MYOM2: variants seen among roughly 807,000 people sequenced by gnomAD.
The protein encoded by MYOM2 is myomesin 2, also known as myomesin-2.
A neutral mutation model predicts 187.6 loss-of-function variants in MYOM2; 254 were observed. The observed-to-expected ratio is 1.35, with a 90% confidence interval of 1.22 to 1.50. The LOEUF (loss-of-function observed/expected upper bound fraction) is 1.50, where lower values mean the gene tolerates loss of function less well. Among genes scored for constraint, MYOM2 ranks in the 40% most tolerant of loss-of-function variants. MYOM2 has a pLI of 0.00. For missense variants in MYOM2, 2,796 were observed against 1,924.0 expected (o/e 1.45, Z -8.48); for synonymous variants, 981 against 753.8 (o/e 1.30, Z -4.94).
At chr8:2,086,937 C>CT (rs11381618) in intron 14 of MYOM2, among the ~76,000 whole-genome samples, 28,727 of 149,322 alleles carry the variant, frequency 0.19, 2,843 homozygotes, top group Middle Eastern at 0.26. Flanking sequence ...CAATAGAAAG[C>CT]TTTTTTTTTT....
Position 2,109,206 on chromosome 8 carries a change from A to G in MYOM2, c.3044-189A>G. ...GCTAACTGAGAACTCATGTGGCATGAGGCTTTAGAGGCAACAACAGGCCAG... is the reference window on the plus strand; with the variant it reads ...GCTAACTGAGAACTCATGTGGCATGGGGCTTTAGAGGCAACAACAGGCCAG... On this transcript the variant is annotated intron_variant, in intron 24 of 36. Coordinates refer to ENST00000262113, the MANE Select transcript of MYOM2 (RefSeq NM_003970.4). 3 of 620,242 alleles carry G rather than the reference A, an allele frequency of 4.8e-6. No individual in the cohort carries two copies. The South Asian group carries it at 7.7e-5, about 16-fold the overall frequency. The allele number at this position is 620,242 out of a possible 1,614,324, so 38.4% of individuals were successfully genotyped here.
chr8:2,076,368 C>CTT, intron 11 of MYOM2, 86 bp downstream of exon 11: 1 of 1,481,944 alleles, frequency 6.7e-7, no homozygotes, highest in Non-Finnish European at 9.1e-7. Flanking sequence ...TTTCTCAATG[C>CTT]AGGTTGACGT....
At chr8:2,107,652 C>T (rs986751143) in intron 23 of MYOM2, among the ~76,000 whole-genome samples, 3 of 152,144 alleles carry the variant, frequency 2.0e-5, no homozygotes, top group East Asian at 1.9e-4. Context: ...CACAGGCAGA[C>T]AAATGAGGAG....
intron 12 of MYOM2, 90 bp downstream of exon 12, chr8:2,079,023 T>A (rs1819531716): frequency 7.7e-7 from 1 of 1,293,334 alleles, no homozygotes; most frequent in Non-Finnish European, 1.1e-6. Context: ...CCCAACTCGA[T>A]GTGAGCCCTG....
At chr8:2,127,725 CAGGCAGGCAG>C (rs1797703916) in intron 31 of MYOM2, 1 of 12,672 alleles carries the variant, frequency 7.9e-5, no homozygotes, top group Non-Finnish European at 1.8e-4. Flanking sequence ...GACGCAGCCG[CAGGCAGGCAG>C]TACCTCGGCG....
intron 28 of MYOM2, among the ~76,000 whole-genome samples, chr8:2,122,458 T>A (rs1797489746): frequency 6.6e-6 from 1 of 152,240 alleles, no homozygotes; most frequent in East Asian, 1.9e-4. Flanking sequence ...AACGATGCCA[T>A]TTCCCATAGC....
intron 28 of MYOM2, among the ~76,000 whole-genome samples, chr8:2,121,895 G>A (rs1383064991): frequency 1.3e-5 from 2 of 152,212 alleles, no homozygotes; most frequent in Non-Finnish European, 2.9e-5. Flanking sequence ...CAGTTTAGGT[G>A]CCCATATTTT....
intron 18 of MYOM2, 82 bp from the exon 19 acceptor site, chr8:2,098,775 G>A (rs796770614): frequency 2.9e-6 from 4 of 1,386,070 alleles, no homozygotes; most frequent in Admixed American, 2.4e-5. Flanking sequence ...TATTTCACAA[G>A]CCAGTTATAA....
At chr8:2,136,545 G>A (rs1798077603) in intron 32 of MYOM2, among the ~76,000 whole-genome samples, 1 of 152,180 alleles carries the variant, frequency 6.6e-6, no homozygotes, top group African/African-American at 2.4e-5. Flanking sequence ...GAAGTAGAGG[G>A]TCACTTTTTA....
chr8:2,105,015 C>CTT (rs1159774900), intron 21 of MYOM2, among the ~76,000 whole-genome samples: 3 of 152,106 alleles, frequency 2.0e-5, no homozygotes, highest in African/African-American at 4.8e-5. Context: ...TGAGCTCAAG[C>CTT]GATCCTCTGG....
rs760533934 is a variant in MYOM2, at chr8:2,078,749, G to A, written c.1278G>A (p.Thr426=). The change falls in exon 12 of 37, where the codon ACG becomes ACA. Residue 426 remains threonine, a synonymous_variant. Coordinates refer to ENST00000262113, the MANE Select transcript of MYOM2 (RefSeq NM_003970.4). ...TAACTTGAAGATGTGAAGTAGGAAC[G>A]AATAATTGGGTGCAGTGCAATGATG... The part of the protein sequence containing the change: ...GYFVDRCEVG[T]NNWVQCNDAP... The A allele has an allele frequency of 4.3e-6, 7 of 1,613,998 alleles. No homozygotes were observed. In the African/African-American group the frequency reaches 5.3e-5, roughly 12 times the overall value.
chr8:2,113,027 C>T (rs552668174), intron 25 of MYOM2, among the ~76,000 whole-genome samples: 3 of 152,180 alleles, frequency 2.0e-5, no homozygotes, highest in Non-Finnish European at 2.9e-5. Context: ...GGCTGGAAAG[C>T]CTTTGCCCCA....
Position 2,100,142 on chromosome 8 carries a change from TTCC to T in MYOM2, c.2441-732_2441-730del, listed in dbSNP as rs1796652668. On this transcript the variant is annotated intron_variant, in intron 19 of 36. Coordinates refer to ENST00000262113, the MANE Select transcript of MYOM2 (RefSeq NM_003970.4). Reference sequence around the variant, plus strand: ...CTTCCTTCCTTCTTTCCTTCCTTCCTTCCTTCCTTCCTTCCTTCCTTCCTTCCT... The same window carrying T: ...CTTCCTTCCTTCTTTCCTTCCTTCCTTTCCTTCCTTCCTTCCTTCCTTCCT... Among the ~76,000 whole-genome samples, 4 of 133,498 alleles carry T rather than the reference TTCC, an allele frequency of 3.0e-5. No individual in the cohort carries two copies. In the East Asian group the frequency reaches 6.7e-4, roughly 22 times the overall value. 87.6% of individuals were successfully genotyped at this position (133,498 alleles called of 152,430 possible).
chr8:2,100,760 G>A (rs544986683), intron 19 of MYOM2, 116 bp from the exon 20 acceptor site: 61 of 929,740 alleles, frequency 6.6e-5, no homozygotes, highest in South Asian at 5.5e-4. Context: ...GAACAGATAC[G>A]GATGGTCCTG....
In MYOM2 at chr8:2,090,074, G is replaced by T. The variant is rs769219107; in HGVS notation, c.1711G>T (p.Ala571Ser). The part of the protein sequence containing the change: ...AQTAVRSPRY[A>S]VFDLMEGKSY... ...GACGGCTGTGAGATCCCCGAGATAT[G>T]CCGTGTTTGACCTCATGGAAGGGAA... is the stretch of plus-strand genomic sequence containing the variant. The change falls in exon 15 of 37, where the codon GCC (alanine) becomes TCC (serine). Residue 571 changes from alanine (A) to serine (S), a missense_variant. Ala to Ser is a moderately conservative substitution (Grantham distance 99). Transcript: ENST00000262113. 2 of 1,614,112 alleles carry T rather than the reference G, an allele frequency of 1.2e-6. No homozygotes were observed. The highest frequency in any genetic ancestry group is 8.5e-7 in the Non-Finnish European group (1 of 1,180,020).
chr8:2,073,053 C>T (rs376735394), intron 9 of MYOM2, among the ~76,000 whole-genome samples: 68 of 152,210 alleles, frequency 4.5e-4, no homozygotes, highest in Non-Finnish European at 9.4e-4. Flanking sequence ...CAGCGGGCCC[C>T]CAGGTGAACC....
In MYOM2 at chr8:2,097,061, A is replaced by G. The variant is rs1455964610; in HGVS notation, c.2313+627A>G. ...AGATGAATGACCCTCATCTCACACT[A>G]CAGCTCCCGTCCGGACTGTGGGGAG... On this transcript the variant is annotated intron_variant, in intron 18 of 36. Transcript: ENST00000262113. 7.5e-6 allele frequency: 7 copies of G among 938,094 alleles called. 1 individual carries two copies. In the Middle Eastern group the frequency reaches 1.6e-3, roughly 213 times the overall value. 58.1% of individuals were successfully genotyped at this position (938,094 alleles called of 1,614,324 possible).
chr8:2,109,280 G>T, intron 24 of MYOM2, 115 bp from the exon 25 acceptor site: 2 of 1,219,352 alleles, frequency 1.6e-6, no homozygotes, highest in Admixed American at 2.9e-5. Flanking sequence ...ATACTCCAGG[G>T]TTTCACATTC....
intron 6 of MYOM2, among the ~76,000 whole-genome samples, chr8:2,063,341 T>C (rs1460485474): frequency 6.6e-6 from 1 of 152,218 alleles, no homozygotes; most frequent in Non-Finnish European, 1.5e-5. Context: ...TTTATTCCTA[T>C]GAATATTCCT....
Sources: gnomAD v4.1 joint callset for allele counts (sites outside exome capture counted in the v4.1 genomes callset) on GRCh38, gnomAD v4.1.1 for gene constraint, MANE v1.5 for transcripts, NCBI Gene and HGNC (gene_info 2026-07-23, HGNC 2026-07-21) for gene names.